The following HELZ variants were observed in gnomAD, a reference collection of about 807,000 sequenced individuals.
The protein encoded by HELZ is helicase with zinc finger.
A neutral mutation model predicts 218.2 loss-of-function variants in HELZ; 23 were observed. The observed-to-expected ratio is 0.11, with a 90% CI of 0.08 to 0.15. The LOEUF (loss-of-function observed/expected upper bound fraction) is 0.15, where lower values mean the gene tolerates loss of function less well. HELZ is among the 10% of genes least tolerant of loss of function. HELZ has a pLI of 1.00. For synonymous variants in HELZ, 814 were observed against 829.4 expected, an observed-to-expected ratio of 0.98 and a Z score of 0.32; for missense variants, 1,813 against 2,353.7, an observed-to-expected ratio of 0.77 and a Z score of 4.75.
rs1343278793 is a variant in HELZ at position 67,109,503 on chromosome 17, T to C, written c.4102A>G (p.Arg1368Gly). 6.2e-7 allele frequency: 1 copy of C among 1,614,098 alleles called. No individual in the cohort carries two copies. The highest frequency in any genetic ancestry group is 1.7e-5 in the Admixed American group (1 of 60,006). Residue 1368 changes from arginine (R) to glycine (G), a missense_variant, in exon 29 of 33, where the codon AGA (arginine) becomes GGA (glycine). Around this residue, in one of 4 missense-constraint regions of HELZ, gnomAD observed 938 missense variants for 1,027.5 expected, o/e 0.91. Coordinates refer to ENST00000358691, the MANE Select transcript of HELZ (RefSeq NM_014877.4). Reference protein sequence around the residue: ...RHFHPLPQLPRPPFPIPQQHT... With the variant: ...RHFHPLPQLPGPPFPIPQQHT... ...TGCTGTGGAATTGGAAAGGGTGGTC[T>C]TGGTAGCTGGGGAAGGGGATGAAAG...
chr17:67,168,695 TCAGA>T (rs1366667246), intron 13 of HELZ, among the ~76,000 whole-genome samples: 3 of 152,222 alleles, frequency 2.0e-5, no homozygotes, highest in African/African-American at 7.2e-5. Flanking sequence ...GCCTATCTTA[TCAGA>T]CAATGGTTGG....
intron 31 of HELZ, among the ~76,000 whole-genome samples, chr17:67,098,723 G>C (rs1167542465): frequency 6.6e-6 from 1 of 152,160 alleles, no homozygotes; most frequent in South Asian, 2.1e-4. Flanking sequence ...CGGCCTGGGT[G>C]ACAGAGCGAG....
intron 31 of HELZ, among the ~76,000 whole-genome samples, chr17:67,102,079 T>C (rs2036947285): frequency 6.6e-6 from 1 of 152,198 alleles, no homozygotes; most frequent in African/African-American, 2.4e-5. Context: ...TGGCTTTTGC[T>C]GCGTTTGAGG....
chr17:67,190,222 G>A lies in HELZ; in HGVS notation c.691C>T (p.Leu231Phe), dbSNP rs2039857181. 1 of 1,613,924 alleles carries A rather than the reference G, an allele frequency of 6.2e-7. No individual in the cohort carries two copies. Among genetic ancestry groups the A allele is most frequent in the Non-Finnish European group, 8.5e-7 (1 of 1,179,856 alleles). Residue 231 changes from leucine (L) to phenylalanine (F), a missense_variant, in exon 10 of 33, where the codon CTC becomes TTC. Around this residue, in one of 4 missense-constraint regions of HELZ, gnomAD observed 714 missense variants for 1,029.2 expected, o/e 0.69. Coordinates refer to ENST00000358691, the MANE Select transcript of HELZ (RefSeq NM_014877.4). ...AAGGTTTCCATGTAACTGCCTGAGA[G>A]CTGTTTATTCTCATTTTGCTGTTTC... ...KLKQQNENKQ[L>F]SGSYMETLIE...
rs1312117897 is a variant in HELZ, at chr17:67,087,093, A to T, written c.5242-12T>A. ...CCTCTGGGCTCATACTACACAAAGA[A>T]AAAGAACATTTCATAAATCAGTGCA... On this transcript the variant is annotated splice_polypyrimidine_tract_variant and intron_variant, in intron 31 of 32. Coordinates refer to ENST00000358691, the MANE Select transcript of HELZ (RefSeq NM_014877.4). The T allele has an allele frequency of 6.8e-6, 11 of 1,613,234 alleles. No homozygotes were observed. Among genetic ancestry groups the T allele is most frequent in the Admixed American group, 1.7e-5 (1 of 59,932 alleles).
chr17:67,185,392 A>G (rs1386677352), intron 12 of HELZ, among the ~76,000 whole-genome samples: 1 of 152,230 alleles, frequency 6.6e-6, no homozygotes, highest in East Asian at 1.9e-4. Flanking sequence ...TTTCTTTACA[A>G]TTCTGTTAGG....
intron 3 of HELZ, among the ~76,000 whole-genome samples, chr17:67,221,242 C>A (rs2040737470): frequency 6.6e-6 from 1 of 152,164 alleles, no homozygotes; most frequent in Non-Finnish European, 1.5e-5. Flanking sequence ...TAGTCCTCAC[C>A]AGCAGATGTC....
At chr17:67,081,272 C>A (rs942150474) in intron 32 of HELZ, among the ~76,000 whole-genome samples, 1 of 152,160 alleles carries the variant, frequency 6.6e-6, no homozygotes, top group African/African-American at 2.4e-5. Flanking sequence ...AAGTTTCTAT[C>A]TTATTTAAGG....
chr17:67,235,917 C>T (rs906952190), intron 3 of HELZ, among the ~76,000 whole-genome samples: 6 of 151,980 alleles, frequency 3.9e-5, no homozygotes, highest in Admixed American at 1.3e-4. Flanking sequence ...CCTGCCACCA[C>T]GCCCGGCTAA....
At chr17:67,224,940 C>G in intron 3 of HELZ, 1 of 711,642 alleles carries the variant, frequency 1.4e-6, no homozygotes, top group Non-Finnish European at 2.6e-6. Flanking sequence ...GACTTGAGTG[C>G]GTTGAGCCCA....
At chr17:67,137,802 G>C (rs2038199283) in intron 22 of HELZ, 129 bp downstream of exon 22, 1 of 642,286 alleles carries the variant, frequency 1.6e-6, no homozygotes, top group South Asian at 3.3e-5. Flanking sequence ...GCCAAACCTG[G>C]CATTAAAGAA....
At position 67,074,612 on chromosome 17, in the gene HELZ, T is replaced by C. The variant is rs1181302380; in HGVS notation, c.*3640A>G. ...ATTAAACACATAAAATCAACTACACTAGAGCAACACAATACTATATATTAA... is the reference window on the plus strand; with the variant it reads ...ATTAAACACATAAAATCAACTACACCAGAGCAACACAATACTATATATTAA... On this transcript the variant is annotated 3_prime_UTR_variant, in exon 33 of 33. Transcript: ENST00000358691. 6.6e-6 allele frequency: 1 copy of C among 152,130 alleles called. No homozygotes were observed. Among genetic ancestry groups the C allele is most frequent in the Non-Finnish European group, 1.5e-5 (1 of 67,992 alleles). 9.4% of individuals were successfully genotyped at this position (152,130 alleles called of 1,614,324 possible).
intron 1 of HELZ, chr17:67,244,740 G>A: frequency 1.0e-6 from 1 of 984,636 alleles, no homozygotes; most frequent in Non-Finnish European, 1.2e-6. Context: ...GCGGGGCGTG[G>A]GAGGCCCGCA....
intron 31 of HELZ, among the ~76,000 whole-genome samples, chr17:67,104,333 G>A (rs1009363616): frequency 5.9e-5 from 9 of 151,946 alleles, no homozygotes; most frequent in Non-Finnish European, 1.2e-4. Context: ...CAGCTATTCC[G>A]GAGGGTGAGG....
chr17:67,168,918 C>G (rs1460596196), intron 13 of HELZ, among the ~76,000 whole-genome samples: 2 of 152,062 alleles, frequency 1.3e-5, no homozygotes, highest in Non-Finnish European at 2.9e-5. Context: ...ATGGTGAAAC[C>G]CTGCATCTAC....
At chr17:67,172,196 G>A in intron 13 of HELZ, among the ~76,000 whole-genome samples, 1 of 152,120 alleles carries the variant, frequency 6.6e-6, no homozygotes. Context: ...CATTCCATCT[G>A]CTTGAGAAAG....
At chr17:67,213,706 G>A (rs984757546) in intron 5 of HELZ, among the ~76,000 whole-genome samples, 2 of 152,040 alleles carry the variant, frequency 1.3e-5, no homozygotes, top group Admixed American at 1.3e-4. Flanking sequence ...TAAAAAAAAG[G>A]GCAACAATAA....
chr17:67,130,367 A>G (rs1044603893), intron 23 of HELZ, among the ~76,000 whole-genome samples: 2 of 152,168 alleles, frequency 1.3e-5, no homozygotes, highest in Admixed American at 1.3e-4. Context: ...AAAATTTTAA[A>G]TGGAATGAAT....
chr17:67,081,855 T>G (rs1288188561), intron 32 of HELZ, among the ~76,000 whole-genome samples: 2 of 152,124 alleles, frequency 1.3e-5, no homozygotes, highest in Non-Finnish European at 2.9e-5. Context: ...GACCTTTAGC[T>G]AGATTACTTT....
Sources: allele counts gnomAD v4.1 joint callset (sites outside exome capture counted in the v4.1 genomes callset), GRCh38; gene constraint gnomAD v4.1.1; regional missense constraint gnomAD v4.1.1; transcripts MANE v1.5; gene names NCBI Gene and HGNC (gene_info 2026-07-23, HGNC 2026-07-21).